OSBPL8: variants seen among roughly 807,000 people sequenced by gnomAD.
The protein encoded by OSBPL8 is oxysterol binding protein like 8.
In OSBPL8, 59 loss-of-function variants were observed where a neutral mutation model predicts 125.5. The ratio of observed to expected loss-of-function variants is 0.47; its 90% CI spans 0.38 to 0.58. OSBPL8 has a LOEUF of 0.58. OSBPL8 is among the 20% of genes least tolerant of loss of function. The pLI, the probability that OSBPL8 is intolerant of heterozygous loss-of-function variation, is 0.00. For synonymous variants in OSBPL8, 330 were observed against 338.9 expected, an observed-to-expected ratio of 0.97 and a Z score of 0.29; for missense variants, 758 against 1,047.8, an observed-to-expected ratio of 0.72 and a Z score of 3.82.
chr12:76,503,233 A>G (rs1458553552), intron 1 of OSBPL8, among the ~76,000 whole-genome samples: 2 of 152,218 alleles, frequency 1.3e-5, no homozygotes, highest in African/African-American at 4.8e-5. Flanking sequence ...ATAGGTCTGG[A>G]GGCTAGATGT....
At chr12:76,553,328 C>T (rs1950996007) in intron 1 of OSBPL8, among the ~76,000 whole-genome samples, 1 of 152,030 alleles carries the variant, frequency 6.6e-6, no homozygotes, top group Non-Finnish European at 1.5e-5. Context: ...GTGGTCATCT[C>T]AACAGGACAG....
chr12:76,533,148 C>CAT (rs1264111192), intron 1 of OSBPL8, among the ~76,000 whole-genome samples: 1 of 151,946 alleles, frequency 6.6e-6, no homozygotes, highest in Non-Finnish European at 1.5e-5. Context: ...TTTAAAACAC[C>CAT]ATATATCCTA....
intron 21 of OSBPL8, among the ~76,000 whole-genome samples, chr12:76,359,949 T>A (rs1342433463): frequency 6.6e-6 from 1 of 152,050 alleles, no homozygotes; most frequent in Non-Finnish European, 1.5e-5. Flanking sequence ...AAGATGAGAT[T>A]TGGGTGAGGA....
At chr12:76,490,620 C>T (rs1878619093) in intron 1 of OSBPL8, among the ~76,000 whole-genome samples, 1 of 152,224 alleles carries the variant, frequency 6.6e-6, no homozygotes, top group Non-Finnish European at 1.5e-5. Context: ...TAAAATCCCC[C>T]ACATTTACCA....
At chr12:76,471,121 G>GCTAAC (rs1297195845) in intron 2 of OSBPL8, among the ~76,000 whole-genome samples, 2 of 152,004 alleles carry the variant, frequency 1.3e-5, no homozygotes, top group Non-Finnish European at 2.9e-5. Flanking sequence ...CCACTGTCTG[G>GCTAAC]CTAACTGACT....
chr12:76,487,637 AT>A lies in OSBPL8; in HGVS notation c.-67-20del. 9.0e-7 allele frequency: 1 copy of A among 1,106,466 alleles called. No homozygotes were observed. Among genetic ancestry groups the A allele is most frequent in the Non-Finnish European group, 1.3e-6 (1 of 781,422 alleles). 68.5% of individuals were successfully genotyped at this position (1,106,466 alleles called of 1,614,324 possible). A position where few individuals can be genotyped will look rare whatever the true frequency, so the allele number is the denominator to read the frequency against. ...GCAAATCCTAAAATAAGAAAATGAT[AT>A]TTATTAGGACTGGTATAAAACTGTG... On this transcript the variant is annotated intron_variant, in intron 1 of 23. Coordinates refer to ENST00000261183, the MANE Select transcript of OSBPL8 (RefSeq NM_020841.5).
intron 1 of OSBPL8, among the ~76,000 whole-genome samples, chr12:76,519,429 C>CT (rs1397685829): frequency 6.6e-6 from 1 of 152,126 alleles, no homozygotes; most frequent in African/African-American, 2.4e-5. Context: ...AAATTCCAAA[C>CT]TTTCCCCCGT....
chr12:76,478,330 T>C (rs527642817), intron 2 of OSBPL8, among the ~76,000 whole-genome samples: 1 of 152,108 alleles, frequency 6.6e-6, no homozygotes, highest in South Asian at 2.1e-4. Context: ...TAAAGTACCA[T>C]GGTATTATTA....
intron 4 of OSBPL8, among the ~76,000 whole-genome samples, chr12:76,429,759 G>A (rs921113319): frequency 3.9e-5 from 6 of 151,996 alleles, no homozygotes; most frequent in East Asian, 1.9e-4. Context: ...GCAAATGAGC[G>A]ACAGAGACAA....
intron 1 of OSBPL8, among the ~76,000 whole-genome samples, chr12:76,517,684 C>T (rs116715989): frequency 3.6e-4 from 55 of 152,208 alleles, no homozygotes; most frequent in African/African-American, 4.6e-4. Context: ...ATAGTTCTAC[C>T]GGTGATACAG....
At chr12:76,455,671 C>T (rs1873947056) in intron 3 of OSBPL8, among the ~76,000 whole-genome samples, 1 of 152,126 alleles carries the variant, frequency 6.6e-6, no homozygotes, top group Admixed American at 6.5e-5. Flanking sequence ...TTTCCCTCAC[C>T]CCATTCACAA....
chr12:76,364,794 G>A (rs924078293), intron 21 of OSBPL8, among the ~76,000 whole-genome samples: 1 of 152,064 alleles, frequency 6.6e-6, no homozygotes, highest in African/African-American at 2.4e-5. Context: ...TTTTGAAATC[G>A]AAAAGTGAGA....
chr12:76,400,356 A>G (rs1002550627), intron 6 of OSBPL8, among the ~76,000 whole-genome samples: 2 of 152,224 alleles, frequency 1.3e-5, no homozygotes, highest in African/African-American at 4.8e-5. Flanking sequence ...TTATGGCCAC[A>G]TAGTATTCCA....
intron 2 of OSBPL8, among the ~76,000 whole-genome samples, chr12:76,460,647 C>T (rs894921007): frequency 6.6e-6 from 1 of 152,116 alleles, no homozygotes; most frequent in African/African-American, 2.4e-5. Context: ...GAAGAACTTG[C>T]AATCAACTAA....
In OSBPL8 at chr12:76,451,106, C is replaced by T. The variant is rs988501434; in HGVS notation, c.80-118G>A. 7.5e-6 allele frequency: 8 copies of T among 1,066,218 alleles called. No homozygotes were observed. In the African/African-American group the frequency reaches 1.1e-4, roughly 15 times the overall value. 66.0% of individuals were successfully genotyped at this position (1,066,218 alleles called of 1,614,324 possible). On this transcript the variant is annotated intron_variant, in intron 3 of 23. Coordinates refer to ENST00000261183, the MANE Select transcript of OSBPL8 (RefSeq NM_020841.5). ...GGCCTTGGTGGTTATATTCATTTTACCAACTCAATACTTTAATAAATTCTC... is the reference window on the plus strand; with the variant it reads ...GGCCTTGGTGGTTATATTCATTTTATCAACTCAATACTTTAATAAATTCTC...
Position 76,354,199 on chromosome 12 carries a change from C to A in OSBPL8, c.*1690G>T, listed in dbSNP as rs117011380. 0.015 allele frequency: 2,320 copies of A among 152,260 alleles called. 18 individuals are homozygous for A. Among genetic ancestry groups the A allele is most frequent in the Middle Eastern group, 0.034 (10 of 294 alleles). The allele number at this position is 152,260 out of a possible 1,614,324, so 9.4% of individuals were successfully genotyped here. A position where few individuals can be genotyped will look rare whatever the true frequency, so the allele number is the denominator to read the frequency against. On this transcript the variant is annotated 3_prime_UTR_variant, in exon 24 of 24. Transcript: ENST00000261183. ...ACCAAAAACCCATTTGTTCTAATAT[C>A]ATGAAAATACTGGGTATAGGTAGAT... is the stretch of plus-strand genomic sequence containing the variant.
chr12:76,481,335 T>G (rs567687878), intron 2 of OSBPL8, among the ~76,000 whole-genome samples: 2 of 152,196 alleles, frequency 1.3e-5, no homozygotes, highest in African/African-American at 4.8e-5. Flanking sequence ...GGATTAGTAA[T>G]TGGCATATGG....
intron 18 of OSBPL8, among the ~76,000 whole-genome samples, chr12:76,372,722 G>A (rs1351364633): frequency 2.0e-5 from 3 of 152,058 alleles, no homozygotes; most frequent in South Asian, 2.1e-4. Context: ...TCATTTAAGC[G>A]TCTCTTAACA....
At chr12:76,377,201 G>A (rs1952855289) in intron 16 of OSBPL8, among the ~76,000 whole-genome samples, 1 of 152,134 alleles carries the variant, frequency 6.6e-6, no homozygotes, top group Admixed American at 6.5e-5. Flanking sequence ...TTGGTCCCAA[G>A]TCTTTGCTAT....
Sources: gnomAD v4.1 joint callset for allele counts (sites outside exome capture counted in the v4.1 genomes callset) on GRCh38, gnomAD v4.1.1 for gene constraint, MANE v1.5 for transcripts, NCBI Gene and HGNC (gene_info 2026-07-23, HGNC 2026-07-21) for gene names.